Variants in TMC1 observed in about 807,000 individuals in gnomAD.
TMC1 encodes transmembrane channel-like protein 1.
TMC1 carries 84 observed loss-of-function variants against 105.8 expected under a neutral mutation model. The observed-to-expected ratio is 0.79, with a 90% confidence interval of 0.67 to 0.95. The LOEUF (loss-of-function observed/expected upper bound fraction) is 0.95. TMC1 is among the 40% of genes least tolerant of loss of function. The probability of loss-of-function intolerance (pLI) is 0.00; values close to 1 mark genes in which losing one functional copy is unlikely to be tolerated. For missense variants in TMC1, 817 were observed against 914.1 expected, an observed-to-expected ratio of 0.89 and a Z score of 1.37; for synonymous variants, 315 against 311.5, an observed-to-expected ratio of 1.01 and a Z score of -0.12.
chr9:72,557,068 G>A (rs1401327453), intron 1 of TMC1, among the ~76,000 whole-genome samples: 1 of 151,912 alleles, frequency 6.6e-6, no homozygotes, highest in African/African-American at 2.4e-5. Context: ...GTTGAGAAAC[G>A]CTGGTCTAAA....
intron 1 of TMC1, among the ~76,000 whole-genome samples, chr9:72,529,217 T>A (rs1165608211): frequency 6.6e-6 from 1 of 152,026 alleles, no homozygotes. Context: ...AAGGGATAAC[T>A]CTAATTGCTA....
rs564325151 is a variant in TMC1, at chr9:72,754,726, A to G, written c.643-60A>G. On this transcript the variant is annotated intron_variant, in intron 11 of 23. Transcript: ENST00000297784. ...CTTTTAAACAAAACCATTTGTGATCACATGTGTGGCTCAGACTTTGTTTCT... is the reference window on the plus strand; with the variant it reads ...CTTTTAAACAAAACCATTTGTGATCGCATGTGTGGCTCAGACTTTGTTTCT... The G allele has an allele frequency of 3.0e-6, 4 of 1,318,176 alleles. No individual in the cohort carries two copies. The East Asian group carries it at 9.2e-5, about 30-fold the overall frequency. 81.7% of individuals were successfully genotyped at this position (1,318,176 alleles called of 1,614,324 possible).
At chr9:72,811,525 A>C (rs2118264751) in intron 18 of TMC1, among the ~76,000 whole-genome samples, 1 of 152,288 alleles carries the variant, frequency 6.6e-6, no homozygotes, top group Non-Finnish European at 1.5e-5. Context: ...TTGGCAGTTC[A>C]ATGCAGAATA....
At chr9:72,712,296 G>C (rs1184957024) in intron 8 of TMC1, among the ~76,000 whole-genome samples, 1 of 151,930 alleles carries the variant, frequency 6.6e-6, no homozygotes, top group African/African-American at 2.4e-5. Flanking sequence ...TTTTTTTCAA[G>C]TCTGTGAAGA....
intron 3 of TMC1, among the ~76,000 whole-genome samples, chr9:72,625,404 G>A (rs1189417284): frequency 6.6e-6 from 1 of 151,986 alleles, no homozygotes; most frequent in African/African-American, 2.4e-5. Flanking sequence ...AGGAATCAGG[G>A]GTGGCCAGGC....
chr9:72,738,169 G>A (rs1827332107), intron 8 of TMC1, among the ~76,000 whole-genome samples: 1 of 152,194 alleles, frequency 6.6e-6, no homozygotes, highest in South Asian at 2.1e-4. Flanking sequence ...AAGATATTGT[G>A]TCCGCTATCA....
intron 19 of TMC1, among the ~76,000 whole-genome samples, chr9:72,819,838 A>G (rs1828840916): frequency 6.6e-6 from 1 of 152,216 alleles, no homozygotes; most frequent in Non-Finnish European, 1.5e-5. Flanking sequence ...GGCTCCCCTT[A>G]CATTTTTAAA....
rs188079095 is a variant in TMC1, at chr9:72,657,209, C to T, written c.16+8545C>T. On this transcript the variant is annotated intron_variant, in intron 5 of 23. Coordinates refer to ENST00000297784, the MANE Select transcript of TMC1 (RefSeq NM_138691.3). ...ATGTCTCCTCAACTCAGTGAGACCA[C>T]AAGCCACTGTTTGGGTTTCCCCTGC... Among the ~76,000 whole-genome samples the T allele has an allele frequency of 3.5e-3, 526 of 152,296 alleles. 3 individuals are homozygous for T. Among genetic ancestry groups the T allele is most frequent in the African/African-American group, 0.012 (489 of 41,566 alleles).
At chr9:72,636,288 A>G (rs1306757303) in intron 4 of TMC1, among the ~76,000 whole-genome samples, 1 of 152,230 alleles carries the variant, frequency 6.6e-6, no homozygotes, top group Non-Finnish European at 1.5e-5. Context: ...AGATTTCAAT[A>G]TATGATTAGC....
chr9:72,573,229 A>T (rs1379833280), intron 1 of TMC1, among the ~76,000 whole-genome samples: 1 of 152,154 alleles, frequency 6.6e-6, no homozygotes, highest in Admixed American at 6.5e-5. Context: ...CACTTTATGG[A>T]AATCTTTTTC....
At chr9:72,788,774 G>A (rs894945709) in intron 14 of TMC1, among the ~76,000 whole-genome samples, 4 of 151,824 alleles carry the variant, frequency 2.6e-5, no homozygotes, top group African/African-American at 9.7e-5. Flanking sequence ...TTAAAAACTA[G>A]AACAATGTTC....
At chr9:72,565,191 G>A (rs1381737561) in intron 1 of TMC1, among the ~76,000 whole-genome samples, 1 of 152,058 alleles carries the variant, frequency 6.6e-6, no homozygotes, top group African/African-American at 2.4e-5. Context: ...TTTGACTAGA[G>A]GAACACAACA....
At chr9:72,721,595 A>G (rs1048648575) in intron 8 of TMC1, among the ~76,000 whole-genome samples, 8 of 152,218 alleles carry the variant, frequency 5.3e-5, no homozygotes, top group Non-Finnish European at 2.9e-5. Context: ...CTTCCCAACA[A>G]TGACAATAGC....
intron 4 of TMC1, among the ~76,000 whole-genome samples, chr9:72,640,061 A>G (rs1428219846): frequency 6.6e-6 from 1 of 152,198 alleles, no homozygotes; most frequent in Non-Finnish European, 1.5e-5. Context: ...TTTTTTAATT[A>G]AGTGCTTAAC....
chr9:72,529,730 A>G (rs557338789), intron 1 of TMC1, among the ~76,000 whole-genome samples: 181 of 152,116 alleles, frequency 1.2e-3, no homozygotes, highest in African/African-American at 4.2e-3. Context: ...GTGACACAGC[A>G]AAACACTTAG....
chr9:72,549,608 ATTTTT>A (rs71357585), intron 1 of TMC1, among the ~76,000 whole-genome samples: 7 of 120,828 alleles, frequency 5.8e-5, no homozygotes, highest in Admixed American at 8.8e-5. Flanking sequence ...ACATCTGGCT[ATTTTT>A]TTTTTTTTTT....
At chr9:72,831,515 G>A (rs963043866) in intron 23 of TMC1, among the ~76,000 whole-genome samples, 1 of 152,042 alleles carries the variant, frequency 6.6e-6, no homozygotes, top group African/African-American at 2.4e-5. Flanking sequence ...GTATACATGT[G>A]CCATGTTGGT....
chr9:72,792,412 T>C, intron 17 of TMC1, 60 bp downstream of exon 17: 1 of 1,600,358 alleles, frequency 6.2e-7, no homozygotes, highest in South Asian at 1.1e-5. Context: ...AGTCAATATC[T>C]CTTCCATAAG....
chr9:72,687,517 T>C (rs1478149603), intron 5 of TMC1, among the ~76,000 whole-genome samples: 2 of 151,982 alleles, frequency 1.3e-5, no homozygotes, highest in Admixed American at 1.3e-4. Flanking sequence ...ACAGAAGGCA[T>C]ATGTTCACTT....
Sources: gnomAD v4.1 joint callset for allele counts (sites outside exome capture counted in the v4.1 genomes callset) on GRCh38, gnomAD v4.1.1 for gene constraint, MANE v1.5 for transcripts, NCBI Gene and HGNC (gene_info 2026-07-23, HGNC 2026-07-21) for gene names.